Variants in RGS7 observed in about 807,000 individuals in gnomAD.
The protein encoded by RGS7 is regulator of G protein signaling 7.
A neutral mutation model predicts 81.1 loss-of-function variants in RGS7; 27 were observed. That is an observed-to-expected ratio of 0.33 (90% CI 0.25 to 0.46). RGS7 has a LOEUF of 0.46. RGS7 is among the 20% of genes least tolerant of loss of function. The probability of loss-of-function intolerance (pLI) is 1.00; values close to 1 mark genes in which losing one functional copy is unlikely to be tolerated. For synonymous variants in RGS7, 208 were observed against 207.7 expected (o/e 1.00, Z -0.01); for missense variants, 396 against 607.4 (o/e 0.65, Z 3.66).
chr1:241,091,363 A>C (rs1000223393), intron 3 of RGS7, among the ~76,000 whole-genome samples: 2 of 151,872 alleles, frequency 1.3e-5, no homozygotes, highest in African/African-American at 4.8e-5. Context: ...CTTGGCTAAC[A>C]CGGTGAAACC....
At chr1:240,941,152 C>G (rs939750990) in intron 4 of RGS7, among the ~76,000 whole-genome samples, 4 of 152,252 alleles carry the variant, frequency 2.6e-5, no homozygotes, top group Admixed American at 1.3e-4. Context: ...GGTGGTGATA[C>G]AGGTAAGACC....
At chr1:240,998,378 G>A (rs1687613324) in intron 3 of RGS7, 1 of 532,826 alleles carries the variant, frequency 1.9e-6, no homozygotes, top group Non-Finnish European at 3.3e-6. Flanking sequence ...ATGTTTTTAA[G>A]CCATTATTTC....
At chr1:241,330,259 C>G (rs958145877) in intron 2 of RGS7, among the ~76,000 whole-genome samples, 6 of 152,282 alleles carry the variant, frequency 3.9e-5, no homozygotes, top group African/African-American at 1.4e-4. Flanking sequence ...ATTGCTAACT[C>G]AAGTGAGGGC....
intron 5 of RGS7, among the ~76,000 whole-genome samples, chr1:240,931,471 G>T (rs1342959318): frequency 2.0e-5 from 3 of 151,976 alleles, no homozygotes; most frequent in Non-Finnish European, 4.4e-5. Context: ...ATGCTTGAGG[G>T]AATGGAGATC....
At chr1:241,166,493 G>A (rs1022363753) in intron 2 of RGS7, among the ~76,000 whole-genome samples, 23 of 152,218 alleles carry the variant, frequency 1.5e-4, no homozygotes, top group African/African-American at 5.1e-4. Flanking sequence ...ATTTCAGAAG[G>A]GAGGGAGTCA....
At position 241,008,378 on chromosome 1, in the gene RGS7, T is replaced by TA. The variant is rs138794168; in HGVS notation, c.176-25250dup. Among the ~76,000 whole-genome samples the TA allele has an allele frequency of 5.0e-3, 756 of 152,282 alleles. 15 individuals are homozygous for TA. In the East Asian group the frequency reaches 0.075, roughly 15 times the overall value. Reference sequence around the variant, plus strand: ...TCAATGTGCGTATAAATCACGTTGTTAAAATCTTGTTCAGATGCAGATTCT... The same window carrying TA: ...TCAATGTGCGTATAAATCACGTTGTTAAAAATCTTGTTCAGATGCAGATTCT... On this transcript the variant is annotated intron_variant, in intron 3 of 18. Coordinates refer to ENST00000440928, the MANE Select transcript of RGS7 (RefSeq NM_001364886.1).
At chr1:241,029,267 TC>T (rs1450004543) in intron 3 of RGS7, among the ~76,000 whole-genome samples, 1 of 152,184 alleles carries the variant, frequency 6.6e-6, no homozygotes, top group Non-Finnish European at 1.5e-5. Flanking sequence ...ACACCCACTT[TC>T]TTTTAGCTTC....
chr1:241,010,523 T>C (rs1311624193), intron 3 of RGS7, among the ~76,000 whole-genome samples: 1 of 152,238 alleles, frequency 6.6e-6, no homozygotes, highest in Non-Finnish European at 1.5e-5. Context: ...AAAGGAATCA[T>C]TGCTGATCGT....
chr1:241,023,313 C>T (rs2059627796), intron 3 of RGS7, among the ~76,000 whole-genome samples: 1 of 152,180 alleles, frequency 6.6e-6, no homozygotes, highest in Admixed American at 6.5e-5. Context: ...CGTAGATGTA[C>T]ATTTTCTCTC....
chr1:241,143,474 GC>G (rs2068077673), intron 2 of RGS7, among the ~76,000 whole-genome samples: 2 of 152,144 alleles, frequency 1.3e-5, no homozygotes, highest in African/African-American at 4.8e-5. Context: ...ATGGTGGCAG[GC>G]AAAAAGAGAG....
intron 4 of RGS7, among the ~76,000 whole-genome samples, chr1:240,943,499 G>A (rs972785193): frequency 6.6e-6 from 1 of 152,182 alleles, no homozygotes; most frequent in Non-Finnish European, 1.5e-5. Flanking sequence ...TCACATTCAG[G>A]AGCACTTAAT....
At chr1:241,210,939 T>C (rs1279293817) in intron 2 of RGS7, among the ~76,000 whole-genome samples, 1 of 152,184 alleles carries the variant, frequency 6.6e-6, no homozygotes, top group Non-Finnish European at 1.5e-5. Context: ...GTAACCAAAC[T>C]AAATGTCCTC....
intron 2 of RGS7, among the ~76,000 whole-genome samples, chr1:241,306,751 G>A (rs777296648): frequency 6.0e-5 from 9 of 150,540 alleles, no homozygotes; most frequent in Non-Finnish European, 7.4e-5. Context: ...CCCCACACTC[G>A]CACACATACG....
intron 2 of RGS7, among the ~76,000 whole-genome samples, chr1:241,219,494 G>A (rs1166806793): frequency 2.6e-5 from 4 of 152,096 alleles, no homozygotes; most frequent in East Asian, 1.9e-4. Context: ...GAAAACAGAC[G>A]AATACACAGA....
intron 9 of RGS7, among the ~76,000 whole-genome samples, chr1:240,864,295 C>A (rs917783404): frequency 2.0e-5 from 3 of 152,186 alleles, no homozygotes; most frequent in Admixed American, 6.5e-5. Context: ...GATCCATGTT[C>A]CATATTATGG....
intron 2 of RGS7, among the ~76,000 whole-genome samples, chr1:241,224,016 A>G (rs1262752059): frequency 6.6e-6 from 1 of 151,072 alleles, no homozygotes; most frequent in Non-Finnish European, 1.5e-5. Flanking sequence ...AAAAAAAAAA[A>G]AGTGTTTTAT....
intron 6 of RGS7, among the ~76,000 whole-genome samples, chr1:240,897,345 T>G (rs576509805): frequency 6.6e-6 from 1 of 152,232 alleles, no homozygotes; most frequent in African/African-American, 2.4e-5. Context: ...AGAGAGGGCA[T>G]CCCTGTCTTG....
Position 241,194,538 on chromosome 1 carries a change from A to AATGGAAATTTAAAATG in RGS7, c.79-95777_79-95776insCATTTTAAATTTCCAT, listed in dbSNP as rs530802621. 2.0e-3 allele frequency among the ~76,000 whole-genome samples: 302 copies of AATGGAAATTTAAAATG among 152,330 alleles called. 2 individuals are homozygous for AATGGAAATTTAAAATG. Among genetic ancestry groups the AATGGAAATTTAAAATG allele is most frequent in the Middle Eastern group, 6.8e-3 (2 of 294 alleles). Reference sequence around the variant, plus strand: ...ATGGAATTTATTCCCTAAACTCAGTAAAGCCACTGACTTTCAGAAAATGAA... The same window carrying AATGGAAATTTAAAATG: ...ATGGAATTTATTCCCTAAACTCAGTAATGGAAATTTAAAATGAAGCCACTGACTTTCAGAAAATGAA... On this transcript the variant is annotated intron_variant, in intron 2 of 18. Transcript: ENST00000440928.
intron 6 of RGS7, among the ~76,000 whole-genome samples, chr1:240,888,988 C>T (rs1368454392): frequency 6.6e-6 from 1 of 152,110 alleles, no homozygotes; most frequent in Non-Finnish European, 1.5e-5. Flanking sequence ...CGGAGTCCCA[C>T]TCTATTGCCC....
Sources: allele counts gnomAD v4.1 joint callset (sites outside exome capture counted in the v4.1 genomes callset), GRCh38; gene constraint gnomAD v4.1.1; transcripts MANE v1.5; gene names NCBI Gene and HGNC (gene_info 2026-07-23, HGNC 2026-07-21).